Variants in CCDC146 observed in about 807,000 individuals in gnomAD.
The protein encoded by CCDC146 is coiled-coil domain containing 146.
A neutral mutation model predicts 119.3 loss-of-function variants in CCDC146; 92 were observed. That is an observed-to-expected ratio of 0.77 (90% CI 0.65 to 0.92). The LOEUF (loss-of-function observed/expected upper bound fraction) is 0.92. Ranked by LOEUF, CCDC146 falls within the 40% of genes least tolerant of loss-of-function variation. CCDC146 has a pLI of 0.00. For missense variants in CCDC146, 1,000 were observed against 1,103.0 expected (o/e 0.91, Z 1.32); for synonymous variants, 372 against 371.8 (o/e 1.00, Z -0.01).
chr7:77,231,148 C>T (rs1401174155), intron 2 of CCDC146, among the ~76,000 whole-genome samples: 1 of 152,184 alleles, frequency 6.6e-6, no homozygotes, highest in Non-Finnish European at 1.5e-5. Flanking sequence ...TGCTACCCAC[C>T]CATTAATCAC....
At chr7:77,213,028 T>G (rs902468374) in intron 2 of CCDC146, among the ~76,000 whole-genome samples, 2 of 151,838 alleles carry the variant, frequency 1.3e-5, no homozygotes, top group African/African-American at 2.4e-5. Context: ...TGTTCAAGTT[T>G]TTATTAAATT....
At chr7:77,133,735 G>A (rs1790820051) in intron 1 of CCDC146, among the ~76,000 whole-genome samples, 1 of 149,380 alleles carries the variant, frequency 6.7e-6, no homozygotes, top group South Asian at 2.1e-4. Context: ...AATAGCTTCT[G>A]GTTTGGGGTT....
chr7:77,173,022 A>T (rs1451310414), intron 2 of CCDC146, among the ~76,000 whole-genome samples: 1 of 152,016 alleles, frequency 6.6e-6, no homozygotes, highest in Non-Finnish European at 1.5e-5. Context: ...TGCATAGAAA[A>T]TGTAGAGTTC....
intron 2 of CCDC146, among the ~76,000 whole-genome samples, chr7:77,189,248 C>A (rs932660120): frequency 6.6e-6 from 1 of 152,148 alleles, no homozygotes; most frequent in Non-Finnish European, 1.5e-5. Context: ...CTGTTCCTGG[C>A]AGCTCCATCC....
intron 2 of CCDC146, among the ~76,000 whole-genome samples, chr7:77,175,551 C>A (rs1791488219): frequency 6.6e-6 from 1 of 151,086 alleles, no homozygotes; most frequent in Admixed American, 6.6e-5. Flanking sequence ...TTCACGAAAA[C>A]AAGTTATATA....
At chr7:77,175,268 A>G (rs1231309113) in intron 2 of CCDC146, among the ~76,000 whole-genome samples, 1 of 150,408 alleles carries the variant, frequency 6.6e-6, no homozygotes, top group African/African-American at 2.5e-5. Flanking sequence ...AGAGCCAGGC[A>G]TCTCCTCCCT....
At chr7:77,262,020 T>C (rs778630921) in intron 8 of CCDC146, 101 bp from the exon 9 acceptor site, 4 of 940,622 alleles carry the variant, frequency 4.3e-6, no homozygotes, top group African/African-American at 3.3e-5. Flanking sequence ...CCAGAAGAGA[T>C]TGGGAGCCAA....
rs1235971457 is a variant in CCDC146 at position 77,293,775 on chromosome 7, T to TC, written c.2664+576dup. 5.3e-5 allele frequency among the ~76,000 whole-genome samples: 8 copies of TC among 152,368 alleles called. No homozygotes were observed. In the East Asian group the frequency reaches 1.2e-3, roughly 22 times the overall value. ...ATCTTCTGTCTACCCCCATGACCTG[T>TC]CAGTATTCTTAGACTGGAATTAGGC... On this transcript the variant is annotated intron_variant, in intron 18 of 18. Coordinates refer to ENST00000285871, the MANE Select transcript of CCDC146 (RefSeq NM_020879.3).
chr7:77,235,542 G>A (rs1375712561), intron 2 of CCDC146, among the ~76,000 whole-genome samples: 1 of 152,198 alleles, frequency 6.6e-6, no homozygotes, highest in African/African-American at 2.4e-5. Flanking sequence ...TGTGAAAGGA[G>A]GCTGTGGGGG....
At chr7:77,195,626 ACTTT>A (rs1439733668) in intron 2 of CCDC146, 1 of 152,126 alleles carries the variant, frequency 6.6e-6, no homozygotes, top group Non-Finnish European at 1.5e-5. Flanking sequence ...AATACAGATT[ACTTT>A]GTGTAGAATC....
intron 2 of CCDC146, among the ~76,000 whole-genome samples, chr7:77,191,704 C>A (rs1412404359): frequency 6.6e-6 from 1 of 151,910 alleles, no homozygotes; most frequent in Non-Finnish European, 1.5e-5. Flanking sequence ...GTCAGGAGAT[C>A]GAGACCATCC....
intron 2 of CCDC146, among the ~76,000 whole-genome samples, chr7:77,184,024 G>T (rs1039374651): frequency 6.6e-6 from 1 of 152,148 alleles, no homozygotes; most frequent in Non-Finnish European, 1.5e-5. Context: ...AGTTCTCAGT[G>T]ATTTGAAGTT....
chr7:77,124,086 T>G (rs568703308), intron 1 of CCDC146, among the ~76,000 whole-genome samples: 1 of 152,368 alleles, frequency 6.6e-6, no homozygotes, highest in African/African-American at 2.4e-5. Flanking sequence ...ATTTTTAGAT[T>G]AAATATTAAT....
At chr7:77,218,534 A>G (rs1443488094) in intron 2 of CCDC146, among the ~76,000 whole-genome samples, 4 of 151,956 alleles carry the variant, frequency 2.6e-5, no homozygotes, top group Non-Finnish European at 5.9e-5. Context: ...CCAGTGGAAT[A>G]TGAATCCAGT....
At chr7:77,174,582 TC>T (rs1161096877) in intron 2 of CCDC146, among the ~76,000 whole-genome samples, 2 of 152,142 alleles carry the variant, frequency 1.3e-5, no homozygotes, top group Non-Finnish European at 2.9e-5. Context: ...GGCAGTAACT[TC>T]CTGATGTTAC....
At chr7:77,204,052 T>G (rs1792042397) in intron 2 of CCDC146, among the ~76,000 whole-genome samples, 1 of 152,144 alleles carries the variant, frequency 6.6e-6, no homozygotes, top group African/African-American at 2.4e-5. Context: ...CCTTTGTGTT[T>G]CTATTTGTAC....
In CCDC146 at chr7:77,187,116, A is replaced by G. The variant is rs545830502; in HGVS notation, c.156+19292A>G. ...CTTTAACAATTCTCCACTTTTGGTA[A>G]TTTTCTCAATTTTGAGAGATTGACT... On this transcript the variant is annotated intron_variant, in intron 2 of 18. Transcript: ENST00000285871. 9.2e-5 allele frequency among the ~76,000 whole-genome samples: 14 copies of G among 152,288 alleles called. No homozygotes were observed. The East Asian group carries it at 2.1e-3, about 23-fold the overall frequency.
intron 2 of CCDC146, chr7:77,194,033 T>C (rs1791820832): frequency 6.6e-6 from 1 of 152,344 alleles, no homozygotes; most frequent in African/African-American, 2.4e-5. Context: ...AGAAAAGTGC[T>C]GTGAAAGTAT....
chr7:77,279,688 T>G (rs1356204186), intron 13 of CCDC146, among the ~76,000 whole-genome samples: 1 of 152,204 alleles, frequency 6.6e-6, no homozygotes, highest in Non-Finnish European at 1.5e-5. Context: ...CTCTCTGAGC[T>G]CACTTTCCTT....
Sources: allele counts gnomAD v4.1 joint callset (sites outside exome capture counted in the v4.1 genomes callset), GRCh38; gene constraint gnomAD v4.1.1; transcripts MANE v1.5; gene names NCBI Gene and HGNC (gene_info 2026-07-23, HGNC 2026-07-21).